The following SDK1 variants were observed in gnomAD, a reference collection of about 807,000 sequenced individuals.
SDK1 encodes sidekick cell adhesion molecule 1.
A neutral mutation model predicts 245.5 loss-of-function variants in SDK1; 157 were observed. The observed-to-expected ratio is 0.64, with a 90% CI of 0.56 to 0.73. SDK1 has a LOEUF of 0.73. Among genes scored for constraint, SDK1 ranks in the 30% least tolerant of loss-of-function variants. The pLI, the probability that SDK1 is intolerant of heterozygous loss-of-function variation, is 0.00. For missense variants in SDK1, 3,583 were observed against 3,002.3 expected, an observed-to-expected ratio of 1.19 and a Z score of -4.52; for synonymous variants, 1,647 against 1,278.5, an observed-to-expected ratio of 1.29 and a Z score of -6.15.
intron 5 of SDK1, among the ~76,000 whole-genome samples, chr7:3,898,190 G>A (rs1781668378): frequency 6.6e-6 from 1 of 152,186 alleles, no homozygotes; most frequent in South Asian, 2.1e-4. Flanking sequence ...ATTACTCAGT[G>A]ACAGAGGTTA....
intron 38 of SDK1, among the ~76,000 whole-genome samples, chr7:4,216,046 C>T (rs569036672): frequency 2.6e-5 from 4 of 152,300 alleles, no homozygotes; most frequent in Non-Finnish European, 5.9e-5. Flanking sequence ...CCACAACCGG[C>T]CTTGGCAGGA....
intron 28 of SDK1, among the ~76,000 whole-genome samples, chr7:4,145,345 G>A (rs1779887427): frequency 6.6e-6 from 1 of 152,182 alleles, no homozygotes. Flanking sequence ...CTTCCTAAGA[G>A]AGCGACGGGG....
intron 1 of SDK1, among the ~76,000 whole-genome samples, chr7:3,357,454 G>C (rs1052397764): frequency 2.1e-5 from 3 of 142,720 alleles, no homozygotes; most frequent in Non-Finnish European, 4.5e-5. Flanking sequence ...GGGCTCAGGT[G>C]ATCTTCCCAC....
chr7:3,670,672 C>G (rs1353331722), intron 4 of SDK1, among the ~76,000 whole-genome samples: 1 of 152,186 alleles, frequency 6.6e-6, no homozygotes, highest in African/African-American at 2.4e-5. Flanking sequence ...TCTGGGAATT[C>G]TCGTTGCTCT....
intron 30 of SDK1, among the ~76,000 whole-genome samples, chr7:4,157,502 G>A (rs1260192647): frequency 6.8e-6 from 1 of 146,762 alleles, no homozygotes; most frequent in African/African-American, 2.5e-5. Context: ...AGAGGGGAGA[G>A]AAGGCAGCAA....
At chr7:3,521,839 G>T (rs1441966077) in intron 1 of SDK1, among the ~76,000 whole-genome samples, 4 of 152,174 alleles carry the variant, frequency 2.6e-5, no homozygotes, top group African/African-American at 9.7e-5. Flanking sequence ...GCATGCAGTG[G>T]AATTTCAATT....
At chr7:3,908,385 C>G (rs1333903759) in intron 5 of SDK1, among the ~76,000 whole-genome samples, 1 of 152,214 alleles carries the variant, frequency 6.6e-6, no homozygotes, top group Non-Finnish European at 1.5e-5. Flanking sequence ...TTCCCCACCA[C>G]GAACCTCGTG....
At chr7:4,207,922 A>G (rs116818471) in intron 36 of SDK1, among the ~76,000 whole-genome samples, 177 bp from the exon 37 acceptor site, 1,660 of 152,248 alleles carry the variant, frequency 0.011, 32 homozygotes, top group African/African-American at 0.038. Flanking sequence ...CCCCGTCCAT[A>G]CACAGTAGCC....
At chr7:3,742,341 G>T (rs984149850) in intron 4 of SDK1, among the ~76,000 whole-genome samples, 1 of 151,990 alleles carries the variant, frequency 6.6e-6, no homozygotes, top group Non-Finnish European at 1.5e-5. Flanking sequence ...GCCTTTTCCC[G>T]TCTGCCTGAA....
At chr7:3,453,318 A>G (rs759224542) in intron 1 of SDK1, among the ~76,000 whole-genome samples, 1 of 152,190 alleles carries the variant, frequency 6.6e-6, no homozygotes, top group African/African-American at 2.4e-5. Flanking sequence ...TCCCCTGAAT[A>G]AGTTGCCCTG....
rs61517701 is a variant in SDK1 at position 3,640,743 on chromosome 7, GCACAATCTTGA to G, written c.566-1213_566-1203del. Among the ~76,000 whole-genome samples, 781 of 151,920 alleles carry G rather than the reference GCACAATCTTGA, an allele frequency of 5.1e-3. 5 individuals carry two copies. Among genetic ancestry groups the G allele is most frequent in the African/African-American group, 0.018 (749 of 41,392 alleles). On this transcript the variant is annotated intron_variant, in intron 3 of 44. Coordinates refer to ENST00000404826, the MANE Select transcript of SDK1 (RefSeq NM_152744.4). ...CTGTCACCCAGGCTGGAGTGCAGTGGCACAATCTTGACTCACCGCAACCTCCGCCTCCTAGG... is the reference window on the plus strand; with the variant it reads ...CTGTCACCCAGGCTGGAGTGCAGTGGCTCACCGCAACCTCCGCCTCCTAGG...
chr7:3,316,663 A>G (rs1208228028), intron 1 of SDK1, among the ~76,000 whole-genome samples: 1 of 152,216 alleles, frequency 6.6e-6, no homozygotes, highest in South Asian at 2.1e-4. Flanking sequence ...AGATGTACAC[A>G]GCAGGGGCCT....
chr7:3,773,864 A>G (rs1780473398), intron 4 of SDK1, among the ~76,000 whole-genome samples: 1 of 152,154 alleles, frequency 6.6e-6, no homozygotes, highest in South Asian at 2.1e-4. Context: ...TGAATATCCT[A>G]ATCTTCAATG....
intron 4 of SDK1, among the ~76,000 whole-genome samples, chr7:3,647,731 G>A (rs1782893952): frequency 6.6e-6 from 1 of 151,996 alleles, no homozygotes; most frequent in Non-Finnish European, 1.5e-5. Flanking sequence ...GCCAGTTTTA[G>A]GTGGTTTTGA....
chr7:3,489,036 G>A (rs1236369644), intron 1 of SDK1, among the ~76,000 whole-genome samples: 1 of 152,092 alleles, frequency 6.6e-6, no homozygotes, highest in Non-Finnish European at 1.5e-5. Context: ...TATCACCAGG[G>A]GTAGTAGAGT....
At chr7:3,599,303 A>G (rs1781178872) in intron 1 of SDK1, among the ~76,000 whole-genome samples, 1 of 151,420 alleles carries the variant, frequency 6.6e-6, no homozygotes, top group South Asian at 2.1e-4. Context: ...TCTTTTGCTC[A>G]TTTTCTATTT....
At chr7:3,442,442 C>T (rs1313449400) in intron 1 of SDK1, among the ~76,000 whole-genome samples, 2 of 152,170 alleles carry the variant, frequency 1.3e-5, no homozygotes. Flanking sequence ...TTCTGAAAGA[C>T]AGTTCAGGAC....
chr7:3,860,328 A>G (rs184523041), intron 5 of SDK1, among the ~76,000 whole-genome samples: 124 of 152,352 alleles, frequency 8.1e-4, no homozygotes, highest in African/African-American at 2.8e-3. Context: ...TCACTCGAAA[A>G]AAGACAATGA....
intron 29 of SDK1, among the ~76,000 whole-genome samples, chr7:4,147,053 C>A (rs965692977): frequency 6.6e-6 from 1 of 152,220 alleles, no homozygotes; most frequent in African/African-American, 2.4e-5. Flanking sequence ...ACCTCAGCAG[C>A]CCCAGCTCCC....
Sources: allele counts gnomAD v4.1 joint callset (sites outside exome capture counted in the v4.1 genomes callset), GRCh38; gene constraint gnomAD v4.1.1; transcripts MANE v1.5; gene names NCBI Gene and HGNC (gene_info 2026-07-23, HGNC 2026-07-21).